PPIG: variants seen among roughly 807,000 people sequenced by gnomAD.
The protein encoded by PPIG is peptidylprolyl isomerase G, also known as peptidyl-prolyl cis-trans isomerase G.
A neutral mutation model predicts 87.9 loss-of-function variants in PPIG; 26 were observed. That is an observed-to-expected ratio of 0.30 (90% CI 0.22 to 0.41). The LOEUF (loss-of-function observed/expected upper bound fraction) is 0.41, where lower values mean the gene tolerates loss of function less well. PPIG is among the 10% of genes least tolerant of loss of function. PPIG has a pLI of 1.00. For missense variants in PPIG, 722 were observed against 879.4 expected (o/e 0.82, Z 2.26); for synonymous variants, 308 against 276.5 (o/e 1.11, Z -1.13).
rs1160921400 is a variant in PPIG at position 169,631,842 on chromosome 2, A to G, written c.838A>G (p.Ile280Val). Residue 280 changes from isoleucine (I) to valine (V), a missense_variant, in exon 11 of 14, where the codon ATA (isoleucine) becomes GTA (valine). By Grantham distance (29) the Ile-to-Val change is conservative. Transcript: ENST00000260970. ...TGTCCGTCCAGAAGAGATCCCTCCT[A>G]TACCTGAAAATAGATTCCTAATGAG... Reference protein sequence around the residue: ...STVRPEEIPPIPENRFLMRKS... With the variant: ...STVRPEEIPPVPENRFLMRKS... 2.5e-6 allele frequency: 4 copies of G among 1,613,554 alleles called. No individual in the cohort carries two copies. The highest frequency in any genetic ancestry group is 1.3e-5 in the African/African-American group (1 of 74,898).
At chr2:169,632,012 G>A in intron 11 of PPIG, 79 bp downstream of exon 11, 2 of 1,329,414 alleles carry the variant, frequency 1.5e-6, no homozygotes, top group Non-Finnish European at 2.0e-6. Flanking sequence ...TTTTAAACAA[G>A]ATTTAATTGG....
intron 9 of PPIG, among the ~76,000 whole-genome samples, chr2:169,619,552 T>C (rs1466464434): frequency 6.6e-6 from 1 of 152,180 alleles, no homozygotes; most frequent in East Asian, 1.9e-4. Flanking sequence ...ATCTGGGTGC[T>C]CCTGTATTGG....
chr2:169,592,981 T>C (rs1387857965), intron 1 of PPIG, among the ~76,000 whole-genome samples: 1 of 152,184 alleles, frequency 6.6e-6, no homozygotes, highest in Non-Finnish European at 1.5e-5. Flanking sequence ...GCCTTTCATC[T>C]TTCTTGCATT....
At chr2:169,608,807 G>A in intron 7 of PPIG, 49 bp downstream of exon 7, 5 of 1,362,326 alleles carry the variant, frequency 3.7e-6, no homozygotes, top group Non-Finnish European at 4.1e-6. Flanking sequence ...TTTGGGCCGG[G>A]CACGGTGGCT....
chr2:169,622,614 G>A (rs1031808520), intron 9 of PPIG, among the ~76,000 whole-genome samples: 2 of 152,160 alleles, frequency 1.3e-5, no homozygotes, highest in African/African-American at 4.8e-5. Context: ...CTGCCCAGGA[G>A]TTTCTAAAAG....
In PPIG at chr2:169,636,824, G is replaced by A. The variant is rs1422187149; in HGVS notation, c.1566G>A (p.Gln522=). The change falls in exon 14 of 14, where the codon CAG becomes CAA. Residue 522 remains glutamine, a synonymous_variant. Transcript: ENST00000260970. ...GTAGAAGTAAAGAGAAGTCTAAACA[G>A]TTAGAATCAAAGAGTAATGAGCATG... ...ERSRSKEKSK[Q]LESKSNEHDH... is the part of the protein sequence containing the mutation. The A allele has an allele frequency of 6.2e-7, 1 of 1,613,492 alleles. No individual in the cohort carries two copies. Among genetic ancestry groups the A allele is most frequent in the Non-Finnish European group, 8.5e-7 (1 of 1,179,954 alleles).
At chr2:169,603,842 A>G in intron 2 of PPIG, 148 bp downstream of exon 2, 1 of 586,610 alleles carries the variant, frequency 1.7e-6, no homozygotes, top group South Asian at 2.2e-5. Flanking sequence ...ATTGCTTCAC[A>G]AAATGCAATC....
At chr2:169,618,905 G>C (rs1685672494) in intron 9 of PPIG, among the ~76,000 whole-genome samples, 1 of 150,194 alleles carries the variant, frequency 6.7e-6, no homozygotes, top group African/African-American at 2.5e-5. Flanking sequence ...CTCGTCTTCT[G>C]CTAGCTTCTG....
chr2:169,616,802 G>A (rs62171320), intron 9 of PPIG, among the ~76,000 whole-genome samples: 7,539 of 152,200 alleles, frequency 0.05, 258 homozygotes, highest in Non-Finnish European at 0.077. Flanking sequence ...TAGGTTGCCT[G>A]TTCACTCTGA....
At chr2:169,586,967 T>A (rs531697265) in intron 1 of PPIG, among the ~76,000 whole-genome samples, 5 of 152,300 alleles carry the variant, frequency 3.3e-5, no homozygotes, top group African/African-American at 1.2e-4. Flanking sequence ...AGAGTCTTGC[T>A]CTGTCGCCCA....
chr2:169,633,080 T>C (rs1363680281), intron 11 of PPIG, 80 bp from the exon 12 acceptor site: 1 of 1,107,696 alleles, frequency 9.0e-7, no homozygotes, highest in Non-Finnish European at 1.4e-6. Flanking sequence ...CCGGCCCAGA[T>C]TCATTTTTAT....
At chr2:169,591,977 A>G (rs1158238684) in intron 1 of PPIG, among the ~76,000 whole-genome samples, 1 of 111,294 alleles carries the variant, frequency 9.0e-6, no homozygotes, top group East Asian at 3.0e-4. Context: ...GCCAGGCTGG[A>G]GTGTAGTGGC....
At chr2:169,604,329 T>G (rs1685262076) in intron 4 of PPIG, 68 bp downstream of exon 4, 22 of 110,490 alleles carry the variant, frequency 2.0e-4, no homozygotes, top group African/African-American at 7.3e-4. Context: ...CTTGCTTGGT[T>G]TTTTTTTTTT....
chr2:169,622,587 C>T (rs552741717), intron 9 of PPIG, among the ~76,000 whole-genome samples: 2 of 152,162 alleles, frequency 1.3e-5, no homozygotes, highest in South Asian at 2.1e-4. Flanking sequence ...GAGATTTGGC[C>T]CTTTATTAAT....
intron 1 of PPIG, among the ~76,000 whole-genome samples, chr2:169,590,679 G>A (rs979428664): frequency 6.6e-6 from 1 of 152,072 alleles, no homozygotes; most frequent in African/African-American, 2.4e-5. Flanking sequence ...TAGAGAGTCA[G>A]CGTGAAGTTC....
intron 7 of PPIG, among the ~76,000 whole-genome samples, chr2:169,613,509 C>T (rs191909293): frequency 6.6e-6 from 1 of 152,208 alleles, no homozygotes; most frequent in East Asian, 1.9e-4. Context: ...AACCTTTTTA[C>T]CTACATAGCT....
intron 7 of PPIG, among the ~76,000 whole-genome samples, chr2:169,612,763 G>T (rs1015527447): frequency 6.6e-6 from 1 of 152,076 alleles, no homozygotes; most frequent in Non-Finnish European, 1.5e-5. Context: ...GTGGACATTT[G>T]ACTTGTTTTC....
rs1361590199 is a variant in PPIG at position 169,604,884 on chromosome 2, AAAG to A, written c.136+626_136+628del. Reference sequence around the variant, plus strand: ...AGCGAGACTCCATCTAAAAAAAAAAAAAGAAAGAAATATTATGGCTGGGCACGG... The same window carrying A: ...AGCGAGACTCCATCTAAAAAAAAAAAAAAGAAATATTATGGCTGGGCACGG... On this transcript the variant is annotated intron_variant, in intron 4 of 13. Transcript: ENST00000260970. 2.1e-4 allele frequency among the ~76,000 whole-genome samples: 31 copies of A among 151,066 alleles called. No individual in the cohort carries two copies. In the East Asian group the frequency reaches 4.0e-3, roughly 20 times the overall value.
Position 169,637,439 on chromosome 2 carries a change from T to A in PPIG, c.2181T>A (p.Gly727=). ...AAAAAGAAAACCAAAAATCAAAAGGTCAAGAAAATGACCATGTACATGAAA... is the reference window on the plus strand; with the variant it reads ...AAAAAGAAAACCAAAAATCAAAAGGACAAGAAAATGACCATGTACATGAAA... ...SVEKENQKSK[G]QENDHVHEKN... Residue 727 remains glycine, a synonymous_variant, in exon 14 of 14, where the codon GGT becomes GGA. Transcript: ENST00000260970. 6.2e-7 allele frequency: 1 copy of A among 1,611,774 alleles called. No individual in the cohort carries two copies. Among genetic ancestry groups the A allele is most frequent in the Non-Finnish European group, 8.5e-7 (1 of 1,179,478 alleles).
Sources: gnomAD v4.1 joint callset for allele counts (sites outside exome capture counted in the v4.1 genomes callset) on GRCh38, gnomAD v4.1.1 for gene constraint, MANE v1.5 for transcripts, NCBI Gene and HGNC (gene_info 2026-07-23, HGNC 2026-07-21) for gene names.